SLC34A3: variants seen among roughly 807,000 people sequenced by gnomAD.
SLC34A3 encodes solute carrier family 34 member 3, also known as sodium-dependent phosphate transport protein 2C.
A neutral mutation model predicts 43.9 loss-of-function variants in SLC34A3; 60 were observed. The observed-to-expected ratio is 1.37, with a 90% CI of 1.11 to 1.70. The LOEUF (loss-of-function observed/expected upper bound fraction) is 1.70. SLC34A3 is among the 40% of genes most tolerant of loss of function. The pLI is 0.00. For synonymous variants in SLC34A3, 451 were observed against 386.2 expected (o/e 1.17, Z -1.97); for missense variants, 969 against 823.8 (o/e 1.18, Z -2.16).
chr9:137,236,479 AG>A lies in SLC34A3; in HGVS notation c.*70del, dbSNP rs909146723. 137 of 1,407,504 alleles carry A rather than the reference AG, an allele frequency of 9.7e-5. No individual in the cohort carries two copies. Among genetic ancestry groups the A allele is most frequent in the Middle Eastern group, 2.0e-4 (1 of 4,988 alleles). 87.2% of individuals were successfully genotyped at this position (1,407,504 alleles called of 1,614,324 possible). ...CTGGGAGGGCTCTGGAGGGCCCTGG[AG>A]GGGGGGTCCCCGCGGCAGCTGACCT... On this transcript the variant is annotated 3_prime_UTR_variant, in exon 13 of 13. Transcript: ENST00000673835.
Position 137,234,746 on chromosome 9 carries a change from G to A in SLC34A3, c.1335+15G>A. 12 of 1,605,444 alleles carry A rather than the reference G, an allele frequency of 7.5e-6. No individual in the cohort carries two copies. The highest frequency in any genetic ancestry group is 4.5e-5 in the East Asian group (2 of 44,866). ...GCGCCCTGCAGGTACTGTCCACCCT[G>A]CCCCGCTGCCAGAACTGGCCAGCTT... On this transcript the variant is annotated intron_variant, in intron 12 of 12. Coordinates refer to ENST00000673835, the MANE Select transcript of SLC34A3 (RefSeq NM_001177316.2). This position sits in a 1 kb window ranked among gnomAD's most constrained non-coding sequence, Gnocchi z 6.9.
Position 137,233,626 on chromosome 9 carries a change from C to T in SLC34A3, c.757-7C>T, listed in dbSNP as rs762205218. 1.2e-6 allele frequency: 2 copies of T among 1,611,928 alleles called. No individual in the cohort carries two copies. The highest frequency in any genetic ancestry group is 1.3e-5 in the African/African-American group (1 of 74,866). ...CAGCACACCGTCACGACCCCTCTGGCCCCCAGTTGGACTCCGACATGATCA... is the reference window on the plus strand; with the variant it reads ...CAGCACACCGTCACGACCCCTCTGGTCCCCAGTTGGACTCCGACATGATCA... On this transcript the variant is annotated splice_region_variant and splice_polypyrimidine_tract_variant and intron_variant, in intron 7 of 12. Coordinates refer to ENST00000673835, the MANE Select transcript of SLC34A3 (RefSeq NM_001177316.2).
In SLC34A3 at chr9:137,232,597, G is replaced by GCAC. The variant is rs1564416181; in HGVS notation, c.199_200insACC (p.Leu66_Arg67insHis). 4 of 1,609,284 alleles carry GCAC rather than the reference G, an allele frequency of 2.5e-6. No homozygotes were observed. The South Asian group carries it at 4.4e-5, about 18-fold the overall frequency. ...CAGAGCTCCGCGTGGCCGGCAGGCTGCGCCGCGTGGCCGGCAGCGTCCTCA... is the reference window on the plus strand; with the variant it reads ...CAGAGCTCCGCGTGGCCGGCAGGCTGCACCGCCGCGTGGCCGGCAGCGTCCTCA... On this transcript the variant is annotated inframe_insertion, in exon 4 of 13. Coordinates refer to ENST00000673835, the MANE Select transcript of SLC34A3 (RefSeq NM_001177316.2).
Position 137,234,382 on chromosome 9 carries a change from G to A in SLC34A3, c.1094-34G>A, listed in dbSNP as rs1439951825. Reference sequence around the variant, plus strand: ...GGGGGCTACCTGGCCCTCCTTGTGGGCGCTGGCCAGGGCTGACCCGGCATC... The same window carrying A: ...GGGGGCTACCTGGCCCTCCTTGTGGACGCTGGCCAGGGCTGACCCGGCATC... On this transcript the variant is annotated intron_variant, in intron 10 of 12. Transcript: ENST00000673835. This position sits in a 1 kb window ranked among gnomAD's most constrained non-coding sequence, Gnocchi z 6.9. 1.9e-6 allele frequency: 3 copies of A among 1,594,886 alleles called. No homozygotes were observed. The East Asian group carries it at 6.7e-5, about 36-fold the overall frequency.
chr9:137,229,852 T>C (rs1836101136), upstream of SLC34A3, among the ~76,000 whole-genome samples: 1 of 152,072 alleles, frequency 6.6e-6, no homozygotes, highest in Non-Finnish European at 1.5e-5. Context: ...GGGCTGGGGC[T>C]GGGGCCAGAC....
chr9:137,232,976 C>T, intron 5 of SLC34A3, 28 bp from the exon 6 acceptor site: 1 of 1,608,602 alleles, frequency 6.2e-7, no homozygotes, highest in African/African-American at 1.3e-5. Flanking sequence ...GGGTGGGCCG[C>T]AGGCTGACTC....
At chr9:137,235,375 G>A (rs959721454) in intron 12 of SLC34A3, among the ~76,000 whole-genome samples, 3 of 152,188 alleles carry the variant, frequency 2.0e-5, no homozygotes, top group Non-Finnish European at 4.4e-5. Context: ...GACAGGAAGA[G>A]ACAAGTGCGG....
chr9:137,233,834 CT>C, intron 8 of SLC34A3, 28 bp from the exon 9 acceptor site: 1 of 1,595,592 alleles, frequency 6.3e-7, no homozygotes, highest in Non-Finnish European at 8.5e-7. Flanking sequence ...CCCACTGAGC[CT>C]GTCCTGAGTC....
chr9:137,232,631 G>A lies in SLC34A3; in HGVS notation c.232G>A (p.Gly78Arg), dbSNP rs756241784. ...GGCCGGCAGCGTCCTCAAGGCCTGC[G>A]GGCTCCTCGGCAGCCTGTACTTCTT... is the stretch of plus-strand genomic sequence containing the variant. The part of the protein sequence containing the change: ...RVAGSVLKAC[G>R]LLGSLYFFIC... The change falls in exon 4 of 13, where the codon GGG becomes AGG. Residue 78 changes from glycine (G) to arginine (R), a missense_variant. By Grantham distance (125) the Gly-to-Arg change is moderately radical (BLOSUM62 -2). Coordinates refer to ENST00000673835, the MANE Select transcript of SLC34A3 (RefSeq NM_001177316.2). 49 of 1,612,614 alleles carry A rather than the reference G, an allele frequency of 3.0e-5. No individual in the cohort carries two copies. The Admixed American group carries it at 4.5e-4, about 15-fold the overall frequency.
chr9:137,232,742 C>T lies in SLC34A3; in HGVS notation c.304+39C>T, dbSNP rs367866718. On this transcript the variant is annotated intron_variant, in intron 4 of 12. Transcript: ENST00000673835. The stretch of plus-strand genomic sequence containing the variant: ...CGGGTGCCCAGGGCGGGGCGGGCAA[C>T]CAGCCCTCCGCAGCTTCAGCGCACC... The T allele has an allele frequency of 6.2e-6, 10 of 1,612,812 alleles. No individual in the cohort carries two copies. The African/African-American group carries it at 1.3e-4, about 22-fold the overall frequency.
chr9:137,230,614 A>C (rs1836159915), upstream of SLC34A3: 1 of 152,154 alleles, frequency 6.6e-6, no homozygotes, highest in Non-Finnish European at 1.5e-5. Context: ...GGTCACACGG[A>C]TGCCTGCTGA....
At chr9:137,232,970 G>C in intron 5 of SLC34A3, 34 bp from the exon 6 acceptor site, 1 of 1,607,612 alleles carries the variant, frequency 6.2e-7, no homozygotes, top group Non-Finnish European at 8.5e-7. Context: ...GGGGCAGGGT[G>C]GGCCGCAGGC....
intron 8 of SLC34A3, 57 bp downstream of exon 8, chr9:137,233,779 T>TGGGGCCCCCCCCCCCCC: frequency 6.9e-7 from 1 of 1,445,816 alleles, no homozygotes; most frequent in Non-Finnish European, 9.6e-7. Flanking sequence ...TGCTGAGTCA[T>TGGGGCCCCCCCCCCCCC]CCCGCCCCAC....
At chr9:137,233,779 T>TTTGCCCCCCCCCCCCCCC in intron 8 of SLC34A3, 57 bp downstream of exon 8, 1 of 1,445,826 alleles carries the variant, frequency 6.9e-7, no homozygotes, top group African/African-American at 1.5e-5. Flanking sequence ...TGCTGAGTCA[T>TTTGCCCCCCCCCCCCCCC]CCCGCCCCAC....
At position 137,236,417 on chromosome 9, in the gene SLC34A3, C is replaced by G. The variant is rs1028452443; in HGVS notation, c.*1C>G. The stretch of plus-strand genomic sequence containing the variant: ...GATCTTGGCCTCCCAGCAGTTGTGA[C>G]GGGCAGTTGCTGAGCAGACCGCCCC... On this transcript the variant is annotated 3_prime_UTR_variant, in exon 13 of 13. Coordinates refer to ENST00000673835, the MANE Select transcript of SLC34A3 (RefSeq NM_001177316.2). 6.5e-7 allele frequency: 1 copy of G among 1,536,244 alleles called. No homozygotes were observed. Among genetic ancestry groups the G allele is most frequent in the East Asian group, 2.4e-5 (1 of 40,918 alleles).
chr9:137,234,613 GGGT>G lies in SLC34A3; in HGVS notation c.1219_1221del (p.Val407del). On this transcript the variant is annotated inframe_deletion, in exon 12 of 13. Coordinates refer to ENST00000673835, the MANE Select transcript of SLC34A3 (RefSeq NM_001177316.2). This position sits in a 1 kb window ranked among gnomAD's most constrained non-coding sequence, Gnocchi z 6.9. ...TGACTCCCAGTTCCCCCAGGGGTCG[GGGT>G]GATCAGTCTGGACCGGGCGTACCCC... 4 of 1,612,398 alleles carry G rather than the reference GGGT, an allele frequency of 2.5e-6. No homozygotes were observed. Among genetic ancestry groups the G allele is most frequent in the Non-Finnish European group, 3.4e-6 (4 of 1,179,842 alleles).
At chr9:137,233,581 G>T (rs1027340455) in intron 7 of SLC34A3, 52 bp from the exon 8 acceptor site, 3 of 1,589,882 alleles carry the variant, frequency 1.9e-6, no homozygotes, top group South Asian at 2.2e-5. Context: ...AGAGCCCCGG[G>T]TGAGTCCTGA....
rs777567171 is a variant in SLC34A3 at position 137,231,787 on chromosome 9, G to A, written c.85G>A (p.Gly29Arg). The A allele has an allele frequency of 2.5e-6, 4 of 1,612,886 alleles. No homozygotes were observed. The highest frequency in any genetic ancestry group is 1.1e-5 in the South Asian group (1 of 91,064). The change falls in exon 2 of 13, where the codon GGG becomes AGG. Residue 29 changes from glycine to arginine, a missense_variant and splice_region_variant. Physicochemically the swap from Gly to Arg is moderately radical, Grantham distance 125. Transcript: ENST00000673835. Reference protein sequence around the residue: ...DLVEKTLRNEGTSSSAPVLEE... With the variant: ...DLVEKTLRNERTSSSAPVLEE... ...AGTGGAAAAGACTCTGAGGAATGAA[G>A]GTACCAGTGGCCCCTGTGCCCCAGG...
chr9:137,232,367 C>G (rs916575224), intron 3 of SLC34A3, among the ~76,000 whole-genome samples: 1 of 152,240 alleles, frequency 6.6e-6, no homozygotes, highest in Non-Finnish European at 1.5e-5. Flanking sequence ...TCCGTCCCTC[C>G]CCTCCTGCTC....
Sources: allele counts gnomAD v4.1 joint callset (sites outside exome capture counted in the v4.1 genomes callset), GRCh38; gene constraint gnomAD v4.1.1; non-coding constraint Gnocchi (gnomAD v3.1); transcripts MANE v1.5; gene names NCBI Gene and HGNC (gene_info 2026-07-23, HGNC 2026-07-21).